DCC: variants seen among roughly 807,000 people sequenced by gnomAD.
The protein encoded by DCC is DCC netrin 1 receptor.
A neutral mutation model predicts 172.5 loss-of-function variants in DCC; 58 were observed. The observed-to-expected ratio is 0.34, with a 90% confidence interval of 0.27 to 0.42. The LOEUF (loss-of-function observed/expected upper bound fraction) is 0.42, where lower values mean the gene tolerates loss of function less well. Ranked by LOEUF, DCC falls within the 10% of genes least tolerant of loss-of-function variation. The pLI, the probability that DCC is intolerant of heterozygous loss-of-function variation, is 1.00. For missense variants in DCC, 1,740 were observed against 1,791.0 expected (o/e 0.97, Z 0.51); for synonymous variants, 709 against 644.5 (o/e 1.10, Z -1.52).
intron 1 of DCC, among the ~76,000 whole-genome samples, chr18:52,463,318 G>A (rs182333318): frequency 2.6e-5 from 4 of 151,810 alleles, no homozygotes; most frequent in East Asian, 1.9e-4. Flanking sequence ...TACCCTTCTC[G>A]ACTGCACTGG....
chr18:53,351,295 A>ATATATATG (rs1216188822), intron 15 of DCC, among the ~76,000 whole-genome samples: 27 of 24,172 alleles, frequency 1.1e-3, no homozygotes, highest in South Asian at 8.1e-3. Context: ...AGTACAGTAT[A>ATATATATG]TATATATATA....
intron 15 of DCC, among the ~76,000 whole-genome samples, chr18:53,358,583 T>TG (rs1390583199): frequency 1.5e-5 from 2 of 132,846 alleles, no homozygotes; most frequent in Non-Finnish European, 3.1e-5. Context: ...TGCCCAGGCA[T>TG]GGTCTCGGCT....
chr18:52,592,516 G>C (rs553774555), intron 1 of DCC, among the ~76,000 whole-genome samples: 8 of 152,088 alleles, frequency 5.3e-5, no homozygotes, highest in African/African-American at 1.9e-4. Flanking sequence ...CCTTTCTCCC[G>C]GCAAAACTGG....
At chr18:52,466,267 A>G (rs1209198895) in intron 1 of DCC, among the ~76,000 whole-genome samples, 1 of 152,170 alleles carries the variant, frequency 6.6e-6, no homozygotes, top group Non-Finnish European at 1.5e-5. Flanking sequence ...AAGACACTGG[A>G]AAATATGTCC....
At chr18:53,423,266 C>T (rs1041147988) in intron 21 of DCC, among the ~76,000 whole-genome samples, 25 of 152,144 alleles carry the variant, frequency 1.6e-4, no homozygotes, top group African/African-American at 5.6e-4. Context: ...TTTCCTTGTA[C>T]AGATATTGGC....
chr18:52,804,276 G>A (rs71367296), intron 2 of DCC, among the ~76,000 whole-genome samples: 8 of 151,840 alleles, frequency 5.3e-5, no homozygotes, highest in Non-Finnish European at 8.8e-5. Flanking sequence ...TCTTTTTAAC[G>A]AAGGAAGAAA....
At chr18:53,242,638 G>T (rs1309272960) in intron 12 of DCC, among the ~76,000 whole-genome samples, 1 of 152,026 alleles carries the variant, frequency 6.6e-6, no homozygotes, top group Non-Finnish European at 1.5e-5. Flanking sequence ...CCAAATAAAT[G>T]CAAGAAAGTA....
intron 25 of DCC, among the ~76,000 whole-genome samples, chr18:53,468,819 C>G (rs2045660309): frequency 6.6e-6 from 1 of 152,194 alleles, no homozygotes; most frequent in African/African-American, 2.4e-5. Flanking sequence ...CTCCCACATT[C>G]ACTGAAGATA....
chr18:53,202,882 C>A (rs1168247932), intron 9 of DCC, among the ~76,000 whole-genome samples: 1 of 152,052 alleles, frequency 6.6e-6, no homozygotes, highest in African/African-American at 2.4e-5. Context: ...GGGCTAGATT[C>A]TTTAAAAATA....
intron 3 of DCC, among the ~76,000 whole-genome samples, chr18:52,917,430 A>G (rs1280752023): frequency 6.6e-6 from 1 of 152,190 alleles, no homozygotes; most frequent in East Asian, 1.9e-4. Flanking sequence ...AAAGAGCTTC[A>G]AGGGGATATT....
chr18:52,373,836 T>C (rs143814455), intron 1 of DCC, among the ~76,000 whole-genome samples: 1 of 152,170 alleles, frequency 6.6e-6, no homozygotes, highest in African/African-American at 2.4e-5. Context: ...TCACAGGCTT[T>C]TGCAATAAGA....
intron 1 of DCC, among the ~76,000 whole-genome samples, chr18:52,554,324 C>G (rs779216421): frequency 6.6e-6 from 1 of 152,076 alleles, no homozygotes; most frequent in Non-Finnish European, 1.5e-5. Flanking sequence ...ACATTTCCAT[C>G]AACCTGGATG....
chr18:53,367,099 A>C (rs1363771919), intron 15 of DCC, among the ~76,000 whole-genome samples: 1 of 152,236 alleles, frequency 6.6e-6, no homozygotes, highest in Non-Finnish European at 1.5e-5. Flanking sequence ...AGAATGGACA[A>C]GTATGTGAAG....
intron 1 of DCC, among the ~76,000 whole-genome samples, chr18:52,391,602 A>C (rs908170387): frequency 2.6e-5 from 4 of 152,112 alleles, no homozygotes; most frequent in Non-Finnish European, 5.9e-5. Context: ...GAAGGTTATC[A>C]TCTTGCCATA....
At chr18:52,546,808 TC>T (rs2032630000) in intron 1 of DCC, among the ~76,000 whole-genome samples, 2 of 152,064 alleles carry the variant, frequency 1.3e-5, no homozygotes, top group South Asian at 4.1e-4. Flanking sequence ...CTTGGCCAAT[TC>T]TCATGCTCTG....
intron 1 of DCC, among the ~76,000 whole-genome samples, chr18:52,552,859 C>T (rs991695654): frequency 6.6e-6 from 1 of 152,048 alleles, no homozygotes; most frequent in Admixed American, 6.6e-5. Context: ...GTATTTCTCA[C>T]ACTTTTCACT....
chr18:52,851,614 G>C (rs909033646), intron 2 of DCC, among the ~76,000 whole-genome samples: 6 of 151,974 alleles, frequency 3.9e-5, no homozygotes, highest in Admixed American at 2.6e-4. Context: ...CTCCTAGTCT[G>C]CTCTTCTTTT....
At chr18:53,154,686 G>A (rs991712714) in intron 7 of DCC, among the ~76,000 whole-genome samples, 3 of 152,052 alleles carry the variant, frequency 2.0e-5, no homozygotes, top group South Asian at 2.1e-4. Flanking sequence ...GTTCAGGAGC[G>A]GGGAACCCTA....
At chr18:52,389,876 T>C (rs1296340730) in intron 1 of DCC, among the ~76,000 whole-genome samples, 4 of 152,072 alleles carry the variant, frequency 2.6e-5, no homozygotes, top group African/African-American at 9.7e-5. Context: ...ATTGATTCAA[T>C]GAATAAAAAC....
Sources: allele counts gnomAD v4.1 joint callset (sites outside exome capture counted in the v4.1 genomes callset), GRCh38; gene constraint gnomAD v4.1.1; transcripts MANE v1.5; gene names NCBI Gene and HGNC (gene_info 2026-07-23, HGNC 2026-07-21).